Variants in DCDC1 observed in about 807,000 individuals in gnomAD.
DCDC1 encodes the protein doublecortin domain-containing protein 1.
Under a neutral mutation model 178.3 loss-of-function variants are expected in DCDC1, and 200 were observed. The observed-to-expected ratio is 1.12, with a 90% CI of 1.00 to 1.26. The LOEUF (loss-of-function observed/expected upper bound fraction) is 1.26, where lower values mean the gene tolerates loss of function less well. Ranked by LOEUF, DCDC1 falls within the 50% of genes most tolerant of loss-of-function variation. DCDC1 has a pLI of 0.00. For synonymous variants in DCDC1, 690 were observed against 604.8 expected (o/e 1.14, Z -2.07); for missense variants, 1,983 against 1,749.2 (o/e 1.13, Z -2.38).
chr11:31,068,618 A>T lies in DCDC1; in HGVS notation c.2299-3465T>A, dbSNP rs993612806. Among the ~76,000 whole-genome samples the T allele has an allele frequency of 2.6e-5, 4 of 152,302 alleles. No individual in the cohort carries two copies. In the East Asian group the frequency reaches 7.7e-4, roughly 29 times the overall value. On this transcript the variant is annotated intron_variant, in intron 18 of 38. Coordinates refer to ENST00000684477, the MANE Select transcript of DCDC1 (RefSeq NM_001387274.1). ...AGAATGATACACTATCAATAATAAT[A>T]TTGGAGGAATAGGTTCAAGAGGTAC... is the stretch of plus-strand genomic sequence containing the variant.
intron 1 of DCDC1, among the ~76,000 whole-genome samples, chr11:31,343,386 A>C (rs1950646322): frequency 1.3e-5 from 2 of 152,046 alleles, no homozygotes; most frequent in South Asian, 4.1e-4. Flanking sequence ...GACTCACTGC[A>C]ACCCCCACCT....
chr11:30,926,329 C>T (rs1946586421), intron 22 of DCDC1, among the ~76,000 whole-genome samples: 1 of 152,178 alleles, frequency 6.6e-6, no homozygotes, highest in Non-Finnish European at 1.5e-5. Flanking sequence ...ACTGAAAGTA[C>T]TTAGGATTCT....
chr11:31,161,884 T>G (rs1331321169), intron 9 of DCDC1, among the ~76,000 whole-genome samples: 2 of 152,186 alleles, frequency 1.3e-5, no homozygotes, highest in Non-Finnish European at 2.9e-5. Context: ...GGAATATCAA[T>G]GTGGCCAATT....
At chr11:30,997,761 T>G (rs1333355699) in intron 20 of DCDC1, among the ~76,000 whole-genome samples, 1 of 152,092 alleles carries the variant, frequency 6.6e-6, no homozygotes, top group Non-Finnish European at 1.5e-5. Context: ...TGGATTACAA[T>G]CAAACATATC....
At chr11:30,895,800 T>G (rs1246439295) in intron 34 of DCDC1, among the ~76,000 whole-genome samples, 1 of 152,142 alleles carries the variant, frequency 6.6e-6, no homozygotes, top group African/African-American at 2.4e-5. Context: ...TAACACAAAT[T>G]TATACTAAAT....
At chr11:31,290,537 T>C in intron 7 of DCDC1, 110 bp downstream of exon 7, 2 of 1,189,050 alleles carry the variant, frequency 1.7e-6, no homozygotes, top group East Asian at 2.6e-5. Context: ...TAATGTCTTG[T>C]TAATATTTCT....
chr11:31,325,123 G>GA (rs1949578302), intron 3 of DCDC1, among the ~76,000 whole-genome samples: 1 of 152,020 alleles, frequency 6.6e-6, no homozygotes, highest in Non-Finnish European at 1.5e-5. Flanking sequence ...CATTGAGATG[G>GA]AAAAATATAC....
intron 9 of DCDC1, among the ~76,000 whole-genome samples, chr11:31,157,951 A>T (rs1237162017): frequency 6.6e-6 from 1 of 152,164 alleles, no homozygotes; most frequent in African/African-American, 2.4e-5. Context: ...GATGTGCAAT[A>T]TGATGTTCTG....
chr11:31,043,500 AT>A (rs917678901), intron 20 of DCDC1, among the ~76,000 whole-genome samples: 11 of 150,448 alleles, frequency 7.3e-5, no homozygotes, highest in East Asian at 2.0e-4. Flanking sequence ...TCCCTAATGG[AT>A]TTTTTTTTTC....
intron 8 of DCDC1, among the ~76,000 whole-genome samples, chr11:31,255,500 TGA>T (rs1944357186): frequency 6.6e-6 from 1 of 152,170 alleles, no homozygotes; most frequent in African/African-American, 2.4e-5. Context: ...TATGTGTGTG[TGA>T]GTTTTATTAT....
At chr11:31,303,872 C>T (rs1164989442) in intron 6 of DCDC1, among the ~76,000 whole-genome samples, 3 of 152,106 alleles carry the variant, frequency 2.0e-5, no homozygotes, top group Non-Finnish European at 4.4e-5. Context: ...TGTCGAGCAG[C>T]ATAAAGATTG....
chr11:31,233,186 G>A (rs1011705593), intron 9 of DCDC1, among the ~76,000 whole-genome samples: 5 of 152,094 alleles, frequency 3.3e-5, no homozygotes, highest in African/African-American at 1.2e-4. Flanking sequence ...GAGAGGACTG[G>A]ATTATGCAGC....
intron 9 of DCDC1, among the ~76,000 whole-genome samples, chr11:31,219,476 C>G (rs1039315060): frequency 1.3e-5 from 2 of 152,052 alleles, no homozygotes; most frequent in African/African-American, 2.4e-5. Flanking sequence ...TGCTGTCAGG[C>G]TTAGAAACCC....
intron 20 of DCDC1, among the ~76,000 whole-genome samples, chr11:30,957,736 AC>A (rs1170404383): frequency 6.6e-6 from 1 of 152,128 alleles, no homozygotes; most frequent in African/African-American, 2.4e-5. Context: ...GACTATGAAA[AC>A]TGAGCCACCC....
intron 1 of DCDC1, among the ~76,000 whole-genome samples, chr11:31,356,915 C>T (rs927105857): frequency 5.3e-5 from 8 of 152,098 alleles, no homozygotes; most frequent in African/African-American, 7.2e-5. Context: ...AATAGACCAA[C>T]AACAGGAGCT....
intron 21 of DCDC1, chr11:30,944,340 C>T (rs1276550859): frequency 2.2e-6 from 1 of 456,626 alleles, no homozygotes; most frequent in Admixed American, 2.3e-5. Context: ...GTCTGCATTG[C>T]CTAAATATGT....
At chr11:31,364,590 A>C (rs998842562) in intron 1 of DCDC1, among the ~76,000 whole-genome samples, 8 of 152,194 alleles carry the variant, frequency 5.3e-5, no homozygotes, top group African/African-American at 1.9e-4. Context: ...CAAGAAAAAC[A>C]CAGCAACAAG....
intron 21 of DCDC1, chr11:30,943,514 G>T: frequency 8.6e-6 from 3 of 349,456 alleles, no homozygotes; most frequent in South Asian, 2.3e-5. Flanking sequence ...TTCCAAAATC[G>T]TACATCTTTT....
intron 20 of DCDC1, among the ~76,000 whole-genome samples, chr11:31,027,184 A>T (rs796263334): frequency 2.6e-5 from 4 of 151,982 alleles, no homozygotes; most frequent in African/African-American, 9.6e-5. Flanking sequence ...AAAATATTCA[A>T]ATTAGTTCAT....
Sources: gnomAD v4.1 joint callset for allele counts (sites outside exome capture counted in the v4.1 genomes callset) on GRCh38, gnomAD v4.1.1 for gene constraint, MANE v1.5 for transcripts, NCBI Gene and HGNC (gene_info 2026-07-23, HGNC 2026-07-21) for gene names.